CERS3: variants seen among roughly 807,000 people sequenced by gnomAD.
CERS3 encodes ceramide synthase 3.
In CERS3, 33 loss-of-function variants were observed where a neutral mutation model predicts 50.3. The observed-to-expected ratio is 0.66, with a 90% CI of 0.50 to 0.88. The LOEUF (loss-of-function observed/expected upper bound fraction) is 0.88, where lower values mean the gene tolerates loss of function less well. Ranked by LOEUF, CERS3 falls within the 40% of genes least tolerant of loss-of-function variation. CERS3 has a pLI of 0.00. For synonymous variants in CERS3, 176 were observed against 155.2 expected, an observed-to-expected ratio of 1.13 and a Z score of -0.99; for missense variants, 470 against 460.3, an observed-to-expected ratio of 1.02 and a Z score of -0.19.
chr15:100,444,121 G>A (rs1218284605), intron 11 of CERS3, among the ~76,000 whole-genome samples: 1 of 152,146 alleles, frequency 6.6e-6, no homozygotes, highest in Non-Finnish European at 1.5e-5. Flanking sequence ...TGACCTTACT[G>A]TTTCAGGCTG....
chr15:100,468,638 G>A (rs1338375556), intron 10 of CERS3, among the ~76,000 whole-genome samples: 1 of 152,096 alleles, frequency 6.6e-6, no homozygotes, highest in Non-Finnish European at 1.5e-5. Context: ...CCCAAATTAT[G>A]GTTGGTTAAA....
chr15:100,504,619 G>A (rs905105353), intron 2 of CERS3, among the ~76,000 whole-genome samples: 1 of 152,172 alleles, frequency 6.6e-6, no homozygotes, highest in African/African-American at 2.4e-5. Flanking sequence ...GCGAAGTTGT[G>A]TAAATATGGT....
chr15:100,512,486 C>T (rs2142363049), intron 2 of CERS3, among the ~76,000 whole-genome samples: 2 of 152,270 alleles, frequency 1.3e-5, no homozygotes, highest in South Asian at 4.1e-4. Context: ...AGATTTATGG[C>T]AAGTTCCAGA....
chr15:100,406,134 G>A (rs1199804480), intron 11 of CERS3, among the ~76,000 whole-genome samples: 1 of 152,168 alleles, frequency 6.6e-6, no homozygotes, highest in Non-Finnish European at 1.5e-5. Flanking sequence ...CACCCTCATT[G>A]TGGAAGATAA....
At chr15:100,503,934 A>G in intron 2 of CERS3, 1 of 361,226 alleles carries the variant, frequency 2.8e-6, no homozygotes, top group South Asian at 2.0e-5. Context: ...CAAGGGAGTG[A>G]AGGTCAAAGA....
At chr15:100,412,372 T>A (rs764036823) in intron 11 of CERS3, among the ~76,000 whole-genome samples, 1 of 152,184 alleles carries the variant, frequency 6.6e-6, no homozygotes, top group Non-Finnish European at 1.5e-5. Context: ...TGACCATACA[T>A]ATGTGAGGGT....
intron 11 of CERS3, among the ~76,000 whole-genome samples, chr15:100,407,121 T>C (rs929348725): frequency 2.0e-5 from 3 of 152,088 alleles, no homozygotes; most frequent in Non-Finnish European, 4.4e-5. Flanking sequence ...GAGTTTTGGG[T>C]GGGGACACAG....
In CERS3 at chr15:100,476,129, TA is replaced by T; in HGVS notation, c.565del (p.Tyr189IlefsTer18). ...GCCAAGTCTAAATAACAGAGACCAA[TA>T]AAAACTCATTTCTAAAATGTAGTAC... is the stretch of plus-strand genomic sequence containing the variant. ...YWYYILEMSF[Y>X]WSLLFRLGFD... On this transcript the variant is annotated frameshift_variant, in exon 8 of 12. Coordinates refer to ENST00000679737, the MANE Select transcript of CERS3 (RefSeq NM_001378789.1). LOFTEE classifies it high-confidence loss of function. 6.3e-7 allele frequency: 1 copy of T among 1,582,592 alleles called. No individual in the cohort carries two copies. The highest frequency in any genetic ancestry group is 8.6e-7 in the Non-Finnish European group (1 of 1,168,592).
At chr15:100,468,048 A>G in intron 10 of CERS3, among the ~76,000 whole-genome samples, 3 of 151,862 alleles carry the variant, frequency 2.0e-5, no homozygotes, top group Middle Eastern at 6.8e-3. Flanking sequence ...TCACAAACAC[A>G]CTTGCTCAGT....
intron 11 of CERS3, among the ~76,000 whole-genome samples, chr15:100,406,988 A>C (rs887895032): frequency 1.1e-4 from 17 of 152,160 alleles, no homozygotes; most frequent in Admixed American, 2.0e-4. Flanking sequence ...ACACCATCAG[A>C]TCTTGTGAGA....
intron 11 of CERS3, among the ~76,000 whole-genome samples, chr15:100,445,671 T>G (rs958957186): frequency 2.6e-5 from 4 of 152,288 alleles, no homozygotes; most frequent in South Asian, 2.1e-4. Flanking sequence ...ACGCCGCCCC[T>G]AATCCCACTC....
Position 100,483,276 on chromosome 15 carries a change from G to A in CERS3, c.407+1274C>T, listed in dbSNP as rs568703371. ...CACTCCCATGTGCCACTGGGGTGGCGCGACAATAGATGTTGTGGTTTCGTG... is the reference window on the plus strand; with the variant it reads ...CACTCCCATGTGCCACTGGGGTGGCACGACAATAGATGTTGTGGTTTCGTG... On this transcript the variant is annotated intron_variant, in intron 5 of 11. Transcript: ENST00000679737. 3.3e-5 allele frequency among the ~76,000 whole-genome samples: 5 copies of A among 152,128 alleles called. 1 individual carries two copies. Among genetic ancestry groups the A allele is most frequent in the South Asian group, 4.1e-4 (2 of 4,822 alleles).
Position 100,472,969 on chromosome 15 carries a change from C to T in CERS3, c.693G>A (p.Gly231=), listed in dbSNP as rs2035015686. 1.2e-6 allele frequency: 2 copies of T among 1,613,930 alleles called. No individual in the cohort carries two copies. The highest frequency in any genetic ancestry group is 1.7e-6 in the Non-Finnish European group (2 of 1,179,924). Residue 231 remains glycine, a synonymous_variant, in exon 9 of 12, where the codon GGG becomes GGA. Transcript: ENST00000679737. Reference sequence around the variant, plus strand: ...CATCGTGTACAATCATCACGAGGGTCCCACTGCGAATATAATTAGCACACC... The same window carrying T: ...CATCGTGTACAATCATCACGAGGGTTCCACTGCGAATATAATTAGCACACC... The part of the protein sequence containing the change: ...FSWCANYIRS[G]TLVMIVHDVA...
intron 2 of CERS3, among the ~76,000 whole-genome samples, chr15:100,518,031 G>A (rs1469450692): frequency 6.6e-6 from 1 of 152,168 alleles, no homozygotes; most frequent in Non-Finnish European, 1.5e-5. Flanking sequence ...CATCTCTCTG[G>A]CCAGGGCAGC....
chr15:100,460,598 T>C (rs1372835969), intron 10 of CERS3, among the ~76,000 whole-genome samples: 2 of 152,162 alleles, frequency 1.3e-5, no homozygotes, highest in Non-Finnish European at 2.9e-5. Flanking sequence ...CAACAAAAGT[T>C]TCCATGTAAT....
chr15:100,448,793 A>G (rs771715210), intron 11 of CERS3, among the ~76,000 whole-genome samples: 1 of 152,204 alleles, frequency 6.6e-6, no homozygotes, highest in Non-Finnish European at 1.5e-5. Context: ...GTGCCATCAC[A>G]CATTTTTATG....
intron 5 of CERS3, among the ~76,000 whole-genome samples, chr15:100,483,845 A>G (rs2035401876): frequency 1.5e-5 from 2 of 132,394 alleles, no homozygotes; most frequent in African/African-American, 2.9e-5. Flanking sequence ...CAGTGGCGGG[A>G]TCTCGGCTCA....
chr15:100,489,697 C>T (rs1596750314), intron 4 of CERS3, among the ~76,000 whole-genome samples: 1 of 152,018 alleles, frequency 6.6e-6, no homozygotes, highest in South Asian at 2.1e-4. Context: ...TTATTATCAC[C>T]AGTGGTAACA....
chr15:100,420,509 A>C (rs941353913), intron 11 of CERS3, among the ~76,000 whole-genome samples: 1 of 152,134 alleles, frequency 6.6e-6, no homozygotes, highest in African/African-American at 2.4e-5. Flanking sequence ...AGGTACAAGG[A>C]GGAACTGGTA....
Sources: gnomAD v4.1 joint callset for allele counts (sites outside exome capture counted in the v4.1 genomes callset) on GRCh38, gnomAD v4.1.1 for gene constraint, MANE v1.5 for transcripts, NCBI Gene and HGNC (gene_info 2026-07-23, HGNC 2026-07-21) for gene names.